KSR2: variants seen among roughly 807,000 people sequenced by gnomAD.
KSR2 encodes kinase suppressor of ras 2.
KSR2 carries 25 observed loss-of-function variants against 107.8 expected under a neutral mutation model. The observed-to-expected ratio is 0.23, with a 90% CI of 0.17 to 0.32. The LOEUF is 0.32. Ranked by LOEUF, KSR2 falls within the 10% of genes least tolerant of loss-of-function variation. The pLI, the probability that KSR2 is intolerant of heterozygous loss-of-function variation, is 1.00. For missense variants in KSR2, 887 were observed against 1,268.9 expected (o/e 0.70, Z 4.57); for synonymous variants, 480 against 507.0 (o/e 0.95, Z 0.71).
intron 3 of KSR2, among the ~76,000 whole-genome samples, chr12:117,770,525 A>AT (rs1011420424): frequency 2.6e-5 from 4 of 151,542 alleles, no homozygotes; most frequent in South Asian, 4.2e-4. Flanking sequence ...TTTGCGGTAG[A>AT]TTTTTTTTAC....
At chr12:117,537,800 C>T (rs115757692) in intron 10 of KSR2, among the ~76,000 whole-genome samples, 1,550 of 152,214 alleles carry the variant, frequency 0.01, 27 homozygotes, top group African/African-American at 0.036. Context: ...TGTCAGGCAC[C>T]CCTTCTTGAA....
rs569763948 is a variant in KSR2, at chr12:117,873,910, G to C, written c.181-13479C>G. Among the ~76,000 whole-genome samples, 168 of 152,318 alleles carry C rather than the reference G, an allele frequency of 1.1e-3. 1 individual carries two copies. Among genetic ancestry groups the C allele is most frequent in the African/African-American group, 3.9e-3 (164 of 41,568 alleles). ...CACAGAAATCAAGAGAGAGCATTTA[G>C]ATACTTTTATAGCTATTTGATGGAG... On this transcript the variant is annotated intron_variant, in intron 1 of 19. Transcript: ENST00000339824.
chr12:117,633,182 T>C (rs1226890052), intron 5 of KSR2, among the ~76,000 whole-genome samples: 5 of 152,242 alleles, frequency 3.3e-5, no homozygotes, highest in Admixed American at 6.5e-5. Context: ...TAAGTTACGA[T>C]GTTCACTATC....
rs115495417 is a variant in KSR2, at chr12:117,872,970, G to A, written c.181-12539C>T. ...ACAGATGTGCAAATGCAAATCACAA[G>A]GCCACGTGGCAGGAACCAGAACAGA... On this transcript the variant is annotated intron_variant, in intron 1 of 19. Transcript: ENST00000339824. Among the ~76,000 whole-genome samples, 1,155 of 152,252 alleles carry A rather than the reference G, an allele frequency of 7.6e-3. 10 individuals are homozygous for A. Among genetic ancestry groups the A allele is most frequent in the African/African-American group, 0.027 (1,103 of 41,546 alleles).
chr12:117,665,284 G>T (rs1164485896), intron 5 of KSR2, among the ~76,000 whole-genome samples: 1 of 152,180 alleles, frequency 6.6e-6, no homozygotes, highest in Non-Finnish European at 1.5e-5. Flanking sequence ...GGAACAAAAA[G>T]TTAGAAGCCA....
At chr12:117,801,530 AG>A in intron 3 of KSR2, among the ~76,000 whole-genome samples, 1 of 152,202 alleles carries the variant, frequency 6.6e-6, no homozygotes, top group Admixed American at 6.5e-5. Flanking sequence ...GCTTCTGGAG[AG>A]GCCTCAGGAA....
chr12:117,540,390 G>C (rs1278733948), intron 9 of KSR2, among the ~76,000 whole-genome samples: 1 of 152,178 alleles, frequency 6.6e-6, no homozygotes, highest in Non-Finnish European at 1.5e-5. Flanking sequence ...GAGAGAGAGA[G>C]AATCCATGTG....
chr12:117,883,550 G>A (rs1327345033), intron 1 of KSR2, among the ~76,000 whole-genome samples: 2 of 152,118 alleles, frequency 1.3e-5, no homozygotes, highest in Non-Finnish European at 2.9e-5. Context: ...GGTACTACCC[G>A]GACCAACCAA....
At chr12:117,942,337 C>G (rs187967716) in intron 1 of KSR2, among the ~76,000 whole-genome samples, 1 of 152,228 alleles carries the variant, frequency 6.6e-6, no homozygotes, top group East Asian at 1.9e-4. Flanking sequence ...TTCCTTCTAT[C>G]GAGCTATATT....
chr12:117,809,641 C>T (rs1488909431), intron 3 of KSR2, among the ~76,000 whole-genome samples: 1 of 152,218 alleles, frequency 6.6e-6, no homozygotes, highest in African/African-American at 2.4e-5. Flanking sequence ...AAGTGCCACT[C>T]ACTGAAATTA....
intron 4 of KSR2, among the ~76,000 whole-genome samples, chr12:117,743,959 T>C (rs1321780702): frequency 6.6e-6 from 1 of 152,186 alleles, no homozygotes; most frequent in Admixed American, 6.5e-5. Flanking sequence ...GAGTACCTCA[T>C]GAATTCTCAG....
At chr12:117,644,215 C>G (rs529260012) in intron 5 of KSR2, among the ~76,000 whole-genome samples, 43 of 152,338 alleles carry the variant, frequency 2.8e-4, no homozygotes, top group African/African-American at 1.0e-3. Flanking sequence ...TAAGCAGGAA[C>G]AGCACTGGTG....
At chr12:117,848,848 T>C (rs1478731447) in intron 3 of KSR2, among the ~76,000 whole-genome samples, 1 of 150,782 alleles carries the variant, frequency 6.6e-6, no homozygotes, top group African/African-American at 2.4e-5. Context: ...GTGGTGATGG[T>C]GATGATGGTG....
At chr12:117,709,288 G>T (rs543003763) in intron 4 of KSR2, among the ~76,000 whole-genome samples, 1 of 152,008 alleles carries the variant, frequency 6.6e-6, no homozygotes, top group Non-Finnish European at 1.5e-5. Context: ...CATTTCAGAG[G>T]CTTCTCAGGG....
At chr12:117,513,458 A>C (rs928519894) in intron 14 of KSR2, among the ~76,000 whole-genome samples, 2 of 152,246 alleles carry the variant, frequency 1.3e-5, no homozygotes, top group Non-Finnish European at 2.9e-5. Flanking sequence ...TGAACAGTGC[A>C]GACACACTGA....
chr12:117,763,222 A>G (rs1336276394), intron 3 of KSR2, among the ~76,000 whole-genome samples: 2 of 152,100 alleles, frequency 1.3e-5, no homozygotes, highest in East Asian at 3.9e-4. Flanking sequence ...ACATGAACTC[A>G]TCATTTTTTA....
At position 117,454,731 on chromosome 12, in the gene KSR2, T is replaced by C. The variant is rs758365060; in HGVS notation, c.*12468A>G. On this transcript the variant is annotated 3_prime_UTR_variant, in exon 20 of 20. Transcript: ENST00000339824. Reference sequence around the variant, plus strand: ...CCTCAACACTTCAGGGGCCTATTCATAGAGTGATATGAACTGTCCCAGAAA... The same window carrying C: ...CCTCAACACTTCAGGGGCCTATTCACAGAGTGATATGAACTGTCCCAGAAA... 3.9e-5 allele frequency: 6 copies of C among 152,164 alleles called. No individual in the cohort carries two copies. Among genetic ancestry groups the C allele is most frequent in the Middle Eastern group, 3.2e-3 (1 of 316 alleles). The allele number at this position is 152,164 out of a possible 1,614,324, so 9.4% of individuals were successfully genotyped here.
intron 3 of KSR2, among the ~76,000 whole-genome samples, chr12:117,770,976 CAAAAAAA>C (rs61641342): frequency 3.0e-5 from 2 of 66,232 alleles, no homozygotes; most frequent in African/African-American, 1.1e-4. Context: ...GACTCCGTCT[CAAAAAAA>C]AAAAAAAAAA....
intron 3 of KSR2, among the ~76,000 whole-genome samples, chr12:117,817,895 G>A (rs1371171416): frequency 1.3e-5 from 2 of 152,112 alleles, no homozygotes; most frequent in African/African-American, 4.8e-5. Flanking sequence ...GAGGTCAGGA[G>A]TTCAAGACAA....
Sources: allele counts gnomAD v4.1 joint callset (sites outside exome capture counted in the v4.1 genomes callset), GRCh38; gene constraint gnomAD v4.1.1; transcripts MANE v1.5; gene names NCBI Gene and HGNC (gene_info 2026-07-23, HGNC 2026-07-21).